EGLN1: variants seen among roughly 807,000 people sequenced by gnomAD.
EGLN1 encodes the protein egl nine homolog 1.
A neutral mutation model predicts 38.3 loss-of-function variants in EGLN1; 17 were observed. That is an observed-to-expected ratio of 0.44 (90% CI 0.30 to 0.67). The LOEUF (loss-of-function observed/expected upper bound fraction) is 0.67. Ranked by LOEUF, EGLN1 falls within the 30% of genes least tolerant of loss-of-function variation. EGLN1 has a pLI of 0.08. For missense variants in EGLN1, 477 were observed against 603.3 expected (o/e 0.79, Z 2.19); for synonymous variants, 283 against 257.5 (o/e 1.10, Z -0.95).
At chr1:231,416,661 C>A (rs1689090969) in intron 1 of EGLN1, among the ~76,000 whole-genome samples, 2 of 152,056 alleles carry the variant, frequency 1.3e-5, no homozygotes, top group South Asian at 4.1e-4. Context: ...CCACTAAAGC[C>A]CAGCCTAAAA....
Position 231,374,178 on chromosome 1 carries a change from T to C in EGLN1, c.892-79A>G. On this transcript the variant is annotated intron_variant, in intron 1 of 4. Coordinates refer to ENST00000366641, the MANE Select transcript of EGLN1 (RefSeq NM_022051.3). ...AACAGCTAATAAATCAGATCTCTGA[T>C]TTTTGGCTACTGATTTACACTTAGA... 3.7e-6 allele frequency: 5 copies of C among 1,364,688 alleles called. No homozygotes were observed. In the South Asian group the frequency reaches 6.0e-5, roughly 16 times the overall value. 84.5% of individuals were successfully genotyped at this position (1,364,688 alleles called of 1,614,324 possible).
chr1:231,388,788 G>A (rs11122284), intron 1 of EGLN1, among the ~76,000 whole-genome samples: 82,640 of 151,734 alleles, frequency 0.54, 24,111 homozygotes, highest in Non-Finnish European at 0.65. Flanking sequence ...CCAAGCAGCT[G>A]GGACTACAGG....
chr1:231,369,425 T>C (rs1687755862), intron 3 of EGLN1: 1 of 232,484 alleles, frequency 4.3e-6, no homozygotes, highest in African/African-American at 2.3e-5. Context: ...ATGAGGCAGT[T>C]ACTGTGTCAG....
intron 1 of EGLN1, among the ~76,000 whole-genome samples, chr1:231,401,892 T>C (rs1478248034): frequency 6.6e-6 from 1 of 152,212 alleles, no homozygotes; most frequent in African/African-American, 2.4e-5. Context: ...TAACCCGTTT[T>C]CCAAAGTGGC....
intron 1 of EGLN1, among the ~76,000 whole-genome samples, chr1:231,399,786 C>A (rs1317666179): frequency 1.3e-5 from 2 of 152,148 alleles, no homozygotes; most frequent in South Asian, 2.1e-4. Flanking sequence ...GGCAACCCCC[C>A]TTTGCATCCT....
At chr1:231,391,045 G>A (rs1372877667) in intron 1 of EGLN1, among the ~76,000 whole-genome samples, 6 of 130,730 alleles carry the variant, frequency 4.6e-5, no homozygotes, top group Non-Finnish European at 7.0e-5. Context: ...GATTCACCAC[G>A]ACCGACGCGT....
chr1:231,383,188 G>C (rs1483066494), intron 1 of EGLN1, among the ~76,000 whole-genome samples: 1 of 151,422 alleles, frequency 6.6e-6, no homozygotes, highest in Non-Finnish European at 1.5e-5. Flanking sequence ...TTTTGTGTGT[G>C]GCAGAACTCA....
At chr1:231,376,847 T>C (rs2572254) in intron 1 of EGLN1, among the ~76,000 whole-genome samples, 87,184 of 151,426 alleles carry the variant, frequency 0.58, 25,830 homozygotes, top group Non-Finnish European at 0.65. Context: ...GAGAGAGCAA[T>C]GTGGCAGAGG....
chr1:231,372,607 A>G (rs1687856710), intron 2 of EGLN1, among the ~76,000 whole-genome samples: 1 of 152,230 alleles, frequency 6.6e-6, no homozygotes, highest in Non-Finnish European at 1.5e-5. Flanking sequence ...CTCAAATTCA[A>G]TTACAAAATT....
chr1:231,395,635 C>T (rs1688504283), intron 1 of EGLN1, among the ~76,000 whole-genome samples: 1 of 152,196 alleles, frequency 6.6e-6, no homozygotes, highest in Non-Finnish European at 1.5e-5. Flanking sequence ...ATACAGCAAT[C>T]TAATGACGCC....
intron 1 of EGLN1, among the ~76,000 whole-genome samples, chr1:231,381,084 T>A (rs1297729776): frequency 6.6e-6 from 1 of 152,110 alleles, no homozygotes; most frequent in Admixed American, 6.6e-5. Context: ...TTTTTTAATG[T>A]TTTCTAGAGA....
At chr1:231,398,054 C>A (rs1382429190) in intron 1 of EGLN1, among the ~76,000 whole-genome samples, 2 of 152,182 alleles carry the variant, frequency 1.3e-5, no homozygotes, top group African/African-American at 4.8e-5. Flanking sequence ...CTATTCAGGG[C>A]AAATGCTATG....
intron 1 of EGLN1, among the ~76,000 whole-genome samples, chr1:231,383,325 G>A (rs143158508): frequency 2.6e-5 from 4 of 152,122 alleles, no homozygotes; most frequent in South Asian, 2.1e-4. Context: ...CCTAATACCC[G>A]TAAACAACTA....
At chr1:231,417,105 A>C (rs1423751369) in intron 1 of EGLN1, among the ~76,000 whole-genome samples, 2 of 152,190 alleles carry the variant, frequency 1.3e-5, no homozygotes, top group Admixed American at 6.5e-5. Context: ...TTCCTGGGTC[A>C]GTTTCGTTTT....
intron 1 of EGLN1, among the ~76,000 whole-genome samples, chr1:231,387,506 C>T (rs1349021123): frequency 6.6e-6 from 1 of 151,870 alleles, no homozygotes; most frequent in Non-Finnish European, 1.5e-5. Flanking sequence ...ACTACAGGTG[C>T]CTGCCACCAC....
chr1:231,401,898 G>A (rs1688672651), intron 1 of EGLN1, among the ~76,000 whole-genome samples: 1 of 152,140 alleles, frequency 6.6e-6, no homozygotes, highest in Non-Finnish European at 1.5e-5. Context: ...GTTTTCCAAA[G>A]TGGCTGTACC....
At chr1:231,378,986 C>G (rs1000451167) in intron 1 of EGLN1, among the ~76,000 whole-genome samples, 3 of 152,158 alleles carry the variant, frequency 2.0e-5, no homozygotes, top group African/African-American at 7.2e-5. Flanking sequence ...CATGGATTAC[C>G]TCGGTCATTC....
chr1:231,398,542 C>T (rs1029172745), intron 1 of EGLN1, among the ~76,000 whole-genome samples: 1 of 152,188 alleles, frequency 6.6e-6, no homozygotes, highest in Non-Finnish European at 1.5e-5. Context: ...GGCTGCTTTC[C>T]TGTTACAACA....
chr1:231,405,038 A>T (rs577991827), intron 1 of EGLN1, among the ~76,000 whole-genome samples: 170 of 152,348 alleles, frequency 1.1e-3, no homozygotes, highest in Non-Finnish European at 1.9e-3. Flanking sequence ...CAAGTCAAGA[A>T]TTCTGAATCT....
Sources: gnomAD v4.1 joint callset for allele counts (sites outside exome capture counted in the v4.1 genomes callset) on GRCh38, gnomAD v4.1.1 for gene constraint, MANE v1.5 for transcripts, NCBI Gene and HGNC (gene_info 2026-07-23, HGNC 2026-07-21) for gene names.